PAN3: variants seen among roughly 807,000 people sequenced by gnomAD.
PAN3 encodes poly(A) specific ribonuclease subunit PAN3.
Under a neutral mutation model 96.2 loss-of-function variants are expected in PAN3, and 19 were observed. That is an observed-to-expected ratio of 0.20 (90% CI 0.14 to 0.29). PAN3 has a LOEUF of 0.29. Ranked by LOEUF, PAN3 falls within the 10% of genes least tolerant of loss-of-function variation. The pLI, the probability that PAN3 is intolerant of heterozygous loss-of-function variation, is 1.00. For synonymous variants in PAN3, 433 were observed against 406.6 expected (o/e 1.06, Z -0.78); for missense variants, 882 against 1,108.1 (o/e 0.80, Z 2.90).
chr13:28,214,774 G>T, intron 5 of PAN3: 1 of 580,684 alleles, frequency 1.7e-6, no homozygotes, highest in South Asian at 1.8e-5. Flanking sequence ...AGTACTACAT[G>T]ACTTAGCATT....
intron 6 of PAN3, among the ~76,000 whole-genome samples, chr13:28,246,786 T>C (rs1000655364): frequency 2.6e-5 from 4 of 152,184 alleles, no homozygotes; most frequent in African/African-American, 4.8e-5. Context: ...AAGAATATTC[T>C]ATTGTATGTA....
intron 12 of PAN3, among the ~76,000 whole-genome samples, chr13:28,270,344 G>A (rs996371688): frequency 6.6e-6 from 1 of 152,098 alleles, no homozygotes; most frequent in African/African-American, 2.4e-5. Context: ...GGTAGGATTA[G>A]CCAGCCACAT....
intron 17 of PAN3, among the ~76,000 whole-genome samples, chr13:28,282,716 T>C (rs941789103): frequency 1.3e-5 from 2 of 152,284 alleles, no homozygotes; most frequent in Non-Finnish European, 2.9e-5. Context: ...ACCTAGAGAA[T>C]TGGCTCTGGA....
chr13:28,236,108 C>G (rs1883082018), intron 6 of PAN3, among the ~76,000 whole-genome samples: 1 of 152,078 alleles, frequency 6.6e-6, no homozygotes, highest in Non-Finnish European at 1.5e-5. Flanking sequence ...TTATTGTGCT[C>G]ACATATGAAG....
At chr13:28,156,502 T>A (rs1412041298) in intron 1 of PAN3, among the ~76,000 whole-genome samples, 3 of 152,218 alleles carry the variant, frequency 2.0e-5, no homozygotes, top group Non-Finnish European at 4.4e-5. Flanking sequence ...CTGGTACAAT[T>A]GCTACTGAAA....
intron 5 of PAN3, among the ~76,000 whole-genome samples, chr13:28,211,261 CCTGT>C (rs971809496): frequency 1.3e-5 from 2 of 152,068 alleles, no homozygotes; most frequent in African/African-American, 4.8e-5. Flanking sequence ...ATTCCTCCAC[CCTGT>C]CTTTCTTTCT....
chr13:28,204,194 A>G (rs1216581992), intron 5 of PAN3, among the ~76,000 whole-genome samples: 1 of 152,178 alleles, frequency 6.6e-6, no homozygotes, highest in African/African-American at 2.4e-5. Context: ...ACACCACATC[A>G]AAAACACTTC....
Position 28,138,637 on chromosome 13 carries a change from A to G in PAN3, c.-21A>G. The G allele has an allele frequency of 2.0e-6, 1 of 505,598 alleles. No individual in the cohort carries two copies. The allele number at this position is 505,598 out of a possible 1,614,324, so 31.3% of individuals were successfully genotyped here. A position where few individuals can be genotyped will look rare whatever the true frequency, so the allele number is the denominator to read the frequency against. ...CGGCGGCTCCTCGGGCGGCGGCGGA[A>G]GACGAGGCTGCGGCGTTGCCATGAA... On this transcript the variant is annotated 5_prime_UTR_variant, in exon 1 of 19. Transcript: ENST00000380958.
At chr13:28,272,188 C>T (rs377691005) in intron 14 of PAN3, 117 bp downstream of exon 14, 2 of 627,092 alleles carry the variant, frequency 3.2e-6, no homozygotes, top group East Asian at 6.3e-5. Context: ...GGGGTGGTGT[C>T]TATGCAGACT....
intron 9 of PAN3, among the ~76,000 whole-genome samples, chr13:28,262,740 G>C (rs1035483744): frequency 1.3e-5 from 2 of 152,116 alleles, no homozygotes; most frequent in African/African-American, 2.4e-5. Context: ...CTGGATGTAA[G>C]ATTAATACAT....
intron 1 of PAN3, among the ~76,000 whole-genome samples, chr13:28,172,413 G>A (rs890952407): frequency 3.9e-5 from 6 of 151,958 alleles, no homozygotes; most frequent in African/African-American, 9.7e-5. Flanking sequence ...CCGAGATCAC[G>A]CCACTGCATT....
intron 3 of PAN3, 112 bp downstream of exon 3, chr13:28,176,671 A>C (rs1875051077): frequency 1.9e-6 from 2 of 1,059,910 alleles, no homozygotes; most frequent in Admixed American, 2.1e-5. Context: ...ATAAAGAAGA[A>C]AATAAAAATT....
Position 28,162,624 on chromosome 13 carries a change from G to T in PAN3, c.431-11648G>T, listed in dbSNP as rs150198080. On this transcript the variant is annotated intron_variant, in intron 1 of 18. Transcript: ENST00000380958. ...ATCACGCCACTGCACTCCAACCTGG[G>T]CAACAGAGTGAGACTCTGCCTTAAA... 6.8e-3 allele frequency among the ~76,000 whole-genome samples: 1,035 copies of T among 151,636 alleles called. 11 individuals carry two copies. Among genetic ancestry groups the T allele is most frequent in the African/African-American group, 0.024 (1,000 of 41,148 alleles).
intron 5 of PAN3, among the ~76,000 whole-genome samples, chr13:28,206,771 TAC>T (rs1566186685): frequency 6.6e-6 from 1 of 151,950 alleles, no homozygotes. Context: ...TTGGCCTTTG[TAC>T]TGCCCTCAAG....
chr13:28,198,048 G>A (rs920384029), intron 5 of PAN3, among the ~76,000 whole-genome samples: 2 of 151,936 alleles, frequency 1.3e-5, no homozygotes, highest in African/African-American at 4.8e-5. Flanking sequence ...CGAGGAAGGC[G>A]TATCACCTGA....
chr13:28,270,572 C>T (rs909918290), intron 12 of PAN3, 129 bp from the exon 13 acceptor site: 2 of 917,704 alleles, frequency 2.2e-6, no homozygotes, highest in African/African-American at 3.4e-5. Context: ...CATACATACA[C>T]ACACATATAT....
chr13:28,283,153 A>G (rs1350655293), intron 17 of PAN3, among the ~76,000 whole-genome samples: 1 of 151,902 alleles, frequency 6.6e-6, no homozygotes, highest in Non-Finnish European at 1.5e-5. Flanking sequence ...GGATCAAGCG[A>G]TTCTCCTGCC....
intron 1 of PAN3, among the ~76,000 whole-genome samples, chr13:28,158,684 C>A (rs546144058): frequency 6.6e-6 from 1 of 152,126 alleles, no homozygotes; most frequent in Non-Finnish European, 1.5e-5. Context: ...CAAGACCATC[C>A]TGGCTAACAC....
intron 5 of PAN3, among the ~76,000 whole-genome samples, chr13:28,205,529 T>C (rs1879239220): frequency 6.6e-6 from 1 of 152,138 alleles, no homozygotes; most frequent in Admixed American, 6.5e-5. Flanking sequence ...TGACAAAGTT[T>C]AAAAATTTTA....
Sources: gnomAD v4.1 joint callset for allele counts (sites outside exome capture counted in the v4.1 genomes callset) on GRCh38, gnomAD v4.1.1 for gene constraint, MANE v1.5 for transcripts, NCBI Gene and HGNC (gene_info 2026-07-23, HGNC 2026-07-21) for gene names.